MYLK3: variants seen among roughly 807,000 people sequenced by gnomAD.
MYLK3 encodes myosin light chain kinase 3.
A neutral mutation model predicts 76.3 loss-of-function variants in MYLK3; 55 were observed. The ratio of observed to expected loss-of-function variants is 0.72; its 90% CI spans 0.58 to 0.90. MYLK3 has a LOEUF of 0.90. Among genes scored for constraint, MYLK3 ranks in the 40% least tolerant of loss-of-function variants. The pLI is 0.00. For missense variants in MYLK3, 973 were observed against 1,053.6 expected (o/e 0.92, Z 1.06); for synonymous variants, 416 against 425.4 (o/e 0.98, Z 0.27).
upstream of MYLK3, among the ~76,000 whole-genome samples, chr16:46,752,700 C>A (rs1329404617): frequency 6.6e-6 from 1 of 151,862 alleles, no homozygotes; most frequent in Non-Finnish European, 1.5e-5. Flanking sequence ...ATAGCAAGAC[C>A]CTGTCTCTAC....
In MYLK3 at chr16:46,707,755, G is replaced by C; in HGVS notation, c.2409C>G (p.Phe803Leu). 1 of 1,611,774 alleles carries C rather than the reference G, an allele frequency of 6.2e-7. No individual in the cohort carries two copies. The highest frequency in any genetic ancestry group is 8.5e-7 in the Non-Finnish European group (1 of 1,178,132). Residue 803 changes from phenylalanine to leucine, a missense_variant, in exon 13 of 13, where the codon TTC becomes TTG. By Grantham distance (22) the Phe-to-Leu change is conservative (BLOSUM62 0). Around this residue, in one of 2 missense-constraint regions of MYLK3, gnomAD observed 332 missense variants for 416.6 expected, o/e 0.80. Transcript: ENST00000394809. ...ACCTGTTGGCAGCAGTCACCACATA[G>C]AAATGTTTCTTGAGGCAAGGAGAGA... ...YIAQRKWKKH[F>L]YVVTAANRLR...
intron 3 of MYLK3, among the ~76,000 whole-genome samples, chr16:46,734,966 A>G (rs749306303): frequency 2.6e-5 from 4 of 151,854 alleles, no homozygotes; most frequent in Non-Finnish European, 5.9e-5. Context: ...ACATAGTGGG[A>G]CCTGTCTCTA....
chr16:46,761,301 C>T (rs914426422), intron 1 of MYLK3, among the ~76,000 whole-genome samples: 2 of 151,956 alleles, frequency 1.3e-5, no homozygotes, highest in Admixed American at 6.5e-5. Flanking sequence ...AAAATTAGGC[C>T]GAGACATACA....
At chr16:46,721,369 A>T (rs779408032) in intron 8 of MYLK3, among the ~76,000 whole-genome samples, 176 bp from the exon 9 acceptor site, 1 of 152,172 alleles carries the variant, frequency 6.6e-6, no homozygotes, top group Admixed American at 6.5e-5. Context: ...GACAATAAGG[A>T]TTGGTGTAGA....
intron 10 of MYLK3, among the ~76,000 whole-genome samples, chr16:46,712,215 C>G (rs760186100): frequency 6.6e-6 from 1 of 151,646 alleles, no homozygotes; most frequent in Non-Finnish European, 1.5e-5. Flanking sequence ...TGGTCTTGAA[C>G]TCTTTGGCTC....
chr16:46,709,953 C>G (rs1276340591), intron 11 of MYLK3, among the ~76,000 whole-genome samples: 1 of 152,144 alleles, frequency 6.6e-6, no homozygotes, highest in Non-Finnish European at 1.5e-5. Context: ...TGAGGCAGGG[C>G]AGTAGGAAGG....
intron 8 of MYLK3, 77 bp from the exon 9 acceptor site, chr16:46,721,270 CT>C: frequency 7.2e-7 from 1 of 1,385,580 alleles, no homozygotes; most frequent in Non-Finnish European, 1.0e-6. Flanking sequence ...CTATAGGCCT[CT>C]GTTTTCCAGC....
intron 1 of MYLK3, among the ~76,000 whole-genome samples, chr16:46,755,940 C>T (rs1195607745): frequency 1.8e-5 from 2 of 114,106 alleles, no homozygotes; most frequent in African/African-American, 3.3e-5. Context: ...TGGAGTCTTG[C>T]TCTGTTGCCC....
intron 9 of MYLK3, among the ~76,000 whole-genome samples, chr16:46,719,233 A>G: frequency 6.6e-6 from 1 of 151,962 alleles, no homozygotes; most frequent in Non-Finnish European, 1.5e-5. Context: ...AAGCGGAGGC[A>G]GGAGAATTGC....
intron 1 of MYLK3, among the ~76,000 whole-genome samples, chr16:46,741,163 T>C (rs1226561107): frequency 6.6e-6 from 1 of 152,252 alleles, no homozygotes; most frequent in African/African-American, 2.4e-5. Flanking sequence ...ATAATCATGT[T>C]ATCAGCCTTG....
At chr16:46,761,911 GAA>G (rs11309990) in intron 1 of MYLK3, among the ~76,000 whole-genome samples, 486 of 142,528 alleles carry the variant, frequency 3.4e-3, no homozygotes, top group Non-Finnish European at 3.9e-3. Context: ...CTGCTAGCAT[GAA>G]AAAAAAAAAA....
intron 8 of MYLK3, chr16:46,726,727 A>AAGAG (rs1226599868): frequency 6.7e-6 from 1 of 148,684 alleles, no homozygotes; most frequent in African/African-American, 2.5e-5. Flanking sequence ...GAAAGAAAGA[A>AAGAG]AGAAAGAAAA....
chr16:46,753,499 A>G (rs148962890), intron 1 of MYLK3, among the ~76,000 whole-genome samples: 1 of 152,354 alleles, frequency 6.6e-6, no homozygotes, highest in Non-Finnish European at 1.5e-5. Flanking sequence ...TGCACAGACA[A>G]AAAGGATCAC....
rs773870088 is a variant in MYLK3, at chr16:46,705,546, A to G, written c.*2158T>C. ...TCTCTCAAAAAAAATAAAAAACTAAAGCTGCTCACCTGAGGAAAAAAATGG... is the reference window on the plus strand; with the variant it reads ...TCTCTCAAAAAAAATAAAAAACTAAGGCTGCTCACCTGAGGAAAAAAATGG... On this transcript the variant is annotated 3_prime_UTR_variant, in exon 13 of 13. Coordinates refer to ENST00000394809, the MANE Select transcript of MYLK3 (RefSeq NM_182493.3). 1 of 152,096 alleles carries G rather than the reference A, an allele frequency of 6.6e-6. No homozygotes were observed. Among genetic ancestry groups the G allele is most frequent in the African/African-American group, 2.4e-5 (1 of 41,436 alleles). The allele number at this position is 152,096 out of a possible 1,614,324, so 9.4% of individuals were successfully genotyped here.
At position 46,747,674 on chromosome 16, in the gene MYLK3, C is replaced by T. The variant is rs749158327; in HGVS notation, c.477+43G>A. 1.9e-6 allele frequency: 3 copies of T among 1,571,830 alleles called. No homozygotes were observed. The East Asian group carries it at 6.7e-5, about 35-fold the overall frequency. On this transcript the variant is annotated intron_variant, in intron 1 of 12. Coordinates refer to ENST00000394809, the MANE Select transcript of MYLK3 (RefSeq NM_182493.3). ...CTGCCTGGCCAGTCTCCCACCAGGGCCGGGGCCTCCCATCCAGCCAGGGCA... is the reference window on the plus strand; with the variant it reads ...CTGCCTGGCCAGTCTCCCACCAGGGTCGGGGCCTCCCATCCAGCCAGGGCA...
intron 8 of MYLK3, 60 bp from the exon 9 acceptor site, chr16:46,721,253 C>A (rs1468088843): frequency 6.6e-7 from 1 of 1,520,346 alleles, no homozygotes; most frequent in Admixed American, 1.7e-5. Flanking sequence ...GCAGCTGCCA[C>A]ACTTGTCTAT....
At chr16:46,739,559 C>T (rs1272596555) in intron 2 of MYLK3, among the ~76,000 whole-genome samples, 4 of 151,930 alleles carry the variant, frequency 2.6e-5, no homozygotes, top group Non-Finnish European at 5.9e-5. Context: ...CCTTCCTCAT[C>T]CTCCTCAGCC....
chr16:46,708,785 G>A lies in MYLK3; in HGVS notation c.2400+754C>T, dbSNP rs542871168. The stretch of plus-strand genomic sequence containing the variant: ...TTCCCTGGATCACAATTGCTTTTAA[G>A]ATAGGTTTTATGTCCATGGGACTAA... On this transcript the variant is annotated intron_variant, in intron 12 of 12. Transcript: ENST00000394809. Among the ~76,000 whole-genome samples the A allele has an allele frequency of 7.2e-5, 11 of 152,338 alleles. No individual in the cohort carries two copies. In the East Asian group the frequency reaches 2.1e-3, roughly 29 times the overall value.
intron 1 of MYLK3, chr16:46,757,549 G>T (rs572988830): frequency 1.0e-6 from 1 of 985,452 alleles, no homozygotes; most frequent in Non-Finnish European, 1.2e-6. Context: ...TGTTTACTCT[G>T]CCTAGAGATG....
Sources: allele counts gnomAD v4.1 joint callset (sites outside exome capture counted in the v4.1 genomes callset), GRCh38; gene constraint gnomAD v4.1.1; regional missense constraint gnomAD v4.1.1; transcripts MANE v1.5; gene names NCBI Gene and HGNC (gene_info 2026-07-23, HGNC 2026-07-21).